RORA: variants seen among roughly 807,000 people sequenced by gnomAD.
RORA encodes the protein RAR related orphan receptor A, also known as nuclear receptor ROR-alpha.
In RORA, 7 loss-of-function variants were observed where a neutral mutation model predicts 69.5. The observed-to-expected ratio is 0.10, with a 90% CI of 0.06 to 0.19. RORA has a LOEUF of 0.19. Among genes scored for constraint, RORA ranks in the 10% least tolerant of loss-of-function variants. RORA has a pLI of 1.00. For synonymous variants in RORA, 261 were observed against 240.8 expected (o/e 1.08, Z -0.78); for missense variants, 457 against 663.0 (o/e 0.69, Z 3.41).
chr15:60,755,131 C>A (rs1469137413), intron 1 of RORA, among the ~76,000 whole-genome samples: 8 of 117,408 alleles, frequency 6.8e-5, no homozygotes, highest in Admixed American at 6.4e-4. Context: ...CTATCCCTCC[C>A]CCCTCCCCCC....
intron 1 of RORA, among the ~76,000 whole-genome samples, chr15:60,979,637 G>C (rs1303565269): frequency 6.6e-6 from 1 of 151,932 alleles, no homozygotes; most frequent in African/African-American, 2.4e-5. Flanking sequence ...ATTTTTCATT[G>C]TAAGTGTATA....
intron 1 of RORA, among the ~76,000 whole-genome samples, chr15:60,788,661 AC>A (rs527425228): frequency 7.2e-5 from 11 of 152,100 alleles, no homozygotes; most frequent in Non-Finnish European, 1.5e-4. Context: ...CAGGATCCAC[AC>A]AGTCATCAGC....
chr15:60,604,930 G>T (rs1692693527), intron 2 of RORA, among the ~76,000 whole-genome samples: 1 of 152,086 alleles, frequency 6.6e-6, no homozygotes, highest in South Asian at 2.1e-4. Flanking sequence ...ATAATCACTG[G>T]ATTGGAGTGG....
chr15:60,592,672 A>AGCGCC lies in RORA; in HGVS notation c.197-60826_197-60822dup, dbSNP rs1052290655. The AGCGCC allele has an allele frequency of 4.2e-5, 45 of 1,063,700 alleles. No homozygotes were observed. In the South Asian group the frequency reaches 5.4e-4, roughly 13 times the overall value. 65.9% of individuals were successfully genotyped at this position (1,063,700 alleles called of 1,614,324 possible). A position where few individuals can be genotyped will look rare whatever the true frequency, so the allele number is the denominator to read the frequency against. On this transcript the variant is annotated intron_variant, in intron 2 of 10. Coordinates refer to ENST00000335670, the MANE Select transcript of RORA (RefSeq NM_134261.3). The stretch of plus-strand genomic sequence containing the variant: ...GGGAGGCGGGAGGCAGGCGCGCCCC[A>AGCGCC]GCGCCGCGCCCCGCCCCGCCCCCGC...
chr15:61,122,904 T>C (rs2079115852), intron 1 of RORA, among the ~76,000 whole-genome samples: 1 of 152,132 alleles, frequency 6.6e-6, no homozygotes, highest in Non-Finnish European at 1.5e-5. Context: ...TTCAGGCACA[T>C]GCTGTACTGA....
intron 1 of RORA, among the ~76,000 whole-genome samples, chr15:61,183,499 C>G (rs1180226836): frequency 1.4e-5 from 2 of 145,916 alleles, no homozygotes; most frequent in Admixed American, 1.4e-4. Flanking sequence ...CACACCATTG[C>G]ACTCTAGCCT....
chr15:60,771,274 C>T (rs762651581), intron 1 of RORA, among the ~76,000 whole-genome samples: 4 of 152,190 alleles, frequency 2.6e-5, no homozygotes, highest in Non-Finnish European at 4.4e-5. Flanking sequence ...TTCAAGACTG[C>T]CTCCTCAGGG....
At chr15:61,130,150 C>A (rs1054628453) in intron 1 of RORA, among the ~76,000 whole-genome samples, 1 of 152,164 alleles carries the variant, frequency 6.6e-6, no homozygotes, top group African/African-American at 2.4e-5. Flanking sequence ...GAATATCTTT[C>A]CATTGCTCTG....
intron 1 of RORA, among the ~76,000 whole-genome samples, chr15:60,749,127 A>C (rs1447270933): frequency 6.6e-6 from 1 of 152,192 alleles, no homozygotes; most frequent in African/African-American, 2.4e-5. Flanking sequence ...TCTTGGATGG[A>C]ATTTTGAGAA....
At chr15:60,605,342 G>A (rs1347141408) in intron 2 of RORA, among the ~76,000 whole-genome samples, 1 of 152,008 alleles carries the variant, frequency 6.6e-6, no homozygotes, top group African/African-American at 2.4e-5. Flanking sequence ...AGGACATTTA[G>A]TTAAGAAGCT....
At chr15:61,228,115 C>T (rs2080165035) in intron 1 of RORA, among the ~76,000 whole-genome samples, 3 of 152,112 alleles carry the variant, frequency 2.0e-5, no homozygotes, top group African/African-American at 4.8e-5. Context: ...ACTATCCAAC[C>T]AGCATACAAC....
rs910623975 is a variant in RORA at position 61,147,774 on chromosome 15, T to C, written c.166+81279A>G. 2.8e-4 allele frequency among the ~76,000 whole-genome samples: 42 copies of C among 150,734 alleles called. No individual in the cohort carries two copies. Among genetic ancestry groups the C allele is most frequent in the Non-Finnish European group, 4.2e-4 (28 of 67,306 alleles). On this transcript the variant is annotated intron_variant, in intron 1 of 10. Coordinates refer to ENST00000335670, the MANE Select transcript of RORA (RefSeq NM_134261.3). The surrounding 1 kb of genome is among the most constrained non-coding windows in gnomAD (Gnocchi z 4.1). ...AGGCACGTGCGCACACGCGTGTGTGTGTGTGTGTGTGTGTGTGTGTGAAAT... is the reference window on the plus strand; with the variant it reads ...AGGCACGTGCGCACACGCGTGTGTGCGTGTGTGTGTGTGTGTGTGTGAAAT...
chr15:60,640,507 G>A (rs2069924466), intron 2 of RORA, among the ~76,000 whole-genome samples: 2 of 152,200 alleles, frequency 1.3e-5, no homozygotes, highest in African/African-American at 2.4e-5. Flanking sequence ...CCCTCCCGTG[G>A]CTGAACTTAG....
chr15:60,898,670 C>T (rs1447524859), intron 1 of RORA, among the ~76,000 whole-genome samples: 3 of 151,828 alleles, frequency 2.0e-5, no homozygotes, highest in Non-Finnish European at 4.4e-5. Context: ...CTGCATCAGC[C>T]TGGGTGACAG....
In RORA at chr15:61,015,374, T is replaced by C. The variant is rs1000085893; in HGVS notation, c.166+213679A>G. ...AAAATGTAAAATGCCTAAATCAGCA[T>C]TGTGGGAATCATTTAAAATATACTG... On this transcript the variant is annotated intron_variant, in intron 1 of 10. Transcript: ENST00000335670. Among the ~76,000 whole-genome samples, 9 of 152,140 alleles carry C rather than the reference T, an allele frequency of 5.9e-5. 1 individual carries two copies. Among genetic ancestry groups the C allele is most frequent in the African/African-American group, 2.4e-5 (1 of 41,420 alleles).
intron 2 of RORA, chr15:60,556,998 A>G (rs1266858957): frequency 7.8e-7 from 1 of 1,276,638 alleles, no homozygotes; most frequent in African/African-American, 1.5e-5. Context: ...ATTTATGCAT[A>G]GCACATCCCC....
Position 60,537,144 on chromosome 15 carries a change from G to T in RORA, c.197-5293C>A, listed in dbSNP as rs546702849. ...CTGCCTGAATGGCGGCCTGGCTTGC[G>T]TGTCAAGGTTAGCCGGGGGAGAGCT... On this transcript the variant is annotated intron_variant, in intron 2 of 10. Coordinates refer to ENST00000335670, the MANE Select transcript of RORA (RefSeq NM_134261.3). The surrounding 1 kb of genome is among the most constrained non-coding windows in gnomAD (Gnocchi z 4.9). Among the ~76,000 whole-genome samples, 1 of 152,194 alleles carries T rather than the reference G, an allele frequency of 6.6e-6. No individual in the cohort carries two copies. Among genetic ancestry groups the T allele is most frequent in the African/African-American group, 2.4e-5 (1 of 41,446 alleles).
At chr15:61,013,114 C>A (rs1895142481) in intron 1 of RORA, among the ~76,000 whole-genome samples, 1 of 152,180 alleles carries the variant, frequency 6.6e-6, no homozygotes. Flanking sequence ...TCGTTCCAGA[C>A]ACATTGTTTA....
chr15:60,814,844 G>A (rs1454387940), intron 1 of RORA, among the ~76,000 whole-genome samples: 1 of 152,180 alleles, frequency 6.6e-6, no homozygotes, highest in Non-Finnish European at 1.5e-5. Flanking sequence ...AAGGGCACAT[G>A]TATTAGGATT....
Sources: gnomAD v4.1 joint callset for allele counts (sites outside exome capture counted in the v4.1 genomes callset) on GRCh38, gnomAD v4.1.1 for gene constraint, Gnocchi (gnomAD v3.1) non-coding constraint, MANE v1.5 for transcripts, NCBI Gene and HGNC (gene_info 2026-07-23, HGNC 2026-07-21) for gene names.